The following MAD1L1 variants were observed in gnomAD, a reference collection of about 807,000 sequenced individuals.
The protein encoded by MAD1L1 is mitotic spindle assembly checkpoint protein MAD1.
Under a neutral mutation model 96.9 loss-of-function variants are expected in MAD1L1, and 95 were observed. The observed-to-expected ratio is 0.98, with a 90% CI of 0.83 to 1.16. MAD1L1 has a LOEUF of 1.16. Among genes scored for constraint, MAD1L1 ranks in the 50% most tolerant of loss-of-function variants. The pLI, the probability that MAD1L1 is intolerant of heterozygous loss-of-function variation, is 0.00. For missense variants in MAD1L1, 1,007 were observed against 954.4 expected, an observed-to-expected ratio of 1.06 and a Z score of -0.73; for synonymous variants, 473 against 396.6, an observed-to-expected ratio of 1.19 and a Z score of -2.29.
chr7:1,958,478 C>A (rs1404632469), intron 15 of MAD1L1, among the ~76,000 whole-genome samples: 1 of 152,194 alleles, frequency 6.6e-6, no homozygotes, highest in African/African-American at 2.4e-5. Flanking sequence ...GGAGCAGGGA[C>A]AGCTATTCCA....
rs531951043 is a variant in MAD1L1 at position 1,816,360 on chromosome 7, C to G, written c.1999-132G>C. The G allele has an allele frequency of 5.0e-6, 4 of 794,100 alleles. No individual in the cohort carries two copies. In the African/African-American group the frequency reaches 5.2e-5, roughly 10 times the overall value. The allele number at this position is 794,100 out of a possible 1,614,324, so 49.2% of individuals were successfully genotyped here. On this transcript the variant is annotated intron_variant, in intron 18 of 18. Coordinates refer to ENST00000265854, the MANE Select transcript of MAD1L1 (RefSeq NM_001013836.2). The stretch of plus-strand genomic sequence containing the variant: ...CTGAGGACCTGGACAGGGGTAGATG[C>G]GTCCTCAACCCTGCCAGGCCTTATT...
In MAD1L1 at chr7:1,861,927, TG is replaced by T. The variant is rs1784552976; in HGVS notation, c.1998+36272del. On this transcript the variant is annotated intron_variant, in intron 18 of 18. Coordinates refer to ENST00000265854, the MANE Select transcript of MAD1L1 (RefSeq NM_001013836.2). ...CCTGCCCCCTGGTTGGAGGGACTCC[TG>T]GCCCCCCAGCCCAGGAGCTGCTGGG... 2.6e-5 allele frequency among the ~76,000 whole-genome samples: 4 copies of T among 152,172 alleles called. No individual in the cohort carries two copies. In the South Asian group the frequency reaches 8.3e-4, roughly 32 times the overall value.
At chr7:1,824,065 G>A (rs1253652820) in intron 18 of MAD1L1, among the ~76,000 whole-genome samples, 6 of 152,134 alleles carry the variant, frequency 3.9e-5, no homozygotes, top group Non-Finnish European at 7.3e-5. Flanking sequence ...GGTCCTGACC[G>A]GGGGCTGCTC....
intron 12 of MAD1L1, among the ~76,000 whole-genome samples, chr7:2,034,367 C>A (rs1174012780): frequency 6.6e-6 from 1 of 151,984 alleles, no homozygotes; most frequent in African/African-American, 2.4e-5. Context: ...CAGGCACACA[C>A]CACCACGCCC....
intron 14 of MAD1L1, among the ~76,000 whole-genome samples, chr7:1,989,183 C>T (rs1015245237): frequency 3.3e-5 from 5 of 152,322 alleles, no homozygotes; most frequent in South Asian, 2.1e-4. Flanking sequence ...AACAAAGCCA[C>T]GGGAGCCACT....
intron 11 of MAD1L1, among the ~76,000 whole-genome samples, chr7:2,135,779 C>T (rs1482421269): frequency 2.0e-5 from 3 of 152,216 alleles, no homozygotes; most frequent in Non-Finnish European, 4.4e-5. Flanking sequence ...GTCCCAGGCC[C>T]AAGGGAAAGT....
In MAD1L1 at chr7:2,142,373, C is replaced by G. The variant is rs1432381908; in HGVS notation, c.1073+6779G>C. On this transcript the variant is annotated intron_variant, in intron 11 of 18. Coordinates refer to ENST00000265854, the MANE Select transcript of MAD1L1 (RefSeq NM_001013836.2). The surrounding 1 kb of genome is among the most constrained non-coding windows in gnomAD (Gnocchi z 4.7). ...AGGGCTGGGTTGGGGGCTGAGGCCT[C>G]TATGGCGCAGGTGCACTGTGCGTCC... 3.9e-5 allele frequency among the ~76,000 whole-genome samples: 6 copies of G among 152,326 alleles called. No individual in the cohort carries two copies. The East Asian group carries it at 1.2e-3, about 29-fold the overall frequency.
chr7:1,822,856 G>A (rs539580095), intron 18 of MAD1L1, among the ~76,000 whole-genome samples: 4 of 151,892 alleles, frequency 2.6e-5, no homozygotes, highest in South Asian at 2.1e-4. Context: ...ACAGCACAGC[G>A]TTATACGGCT....
rs141220306 is a variant in MAD1L1 at position 2,216,330 on chromosome 7, C to T, written c.679-43G>A. ...CAGAGAAGAAGGGAAAAATGAGCCA[C>T]GAAGAGACCTGGAGAAAATCACACG... is the stretch of plus-strand genomic sequence containing the variant. On this transcript the variant is annotated intron_variant, in intron 7 of 18. Transcript: ENST00000265854. 114 of 1,595,032 alleles carry T rather than the reference C, an allele frequency of 7.1e-5. No individual in the cohort carries two copies. The African/African-American group carries it at 1.1e-3, about 15-fold the overall frequency.
intron 17 of MAD1L1, among the ~76,000 whole-genome samples, chr7:1,901,926 C>G (rs867812611): frequency 6.6e-6 from 1 of 152,226 alleles, no homozygotes; most frequent in East Asian, 1.9e-4. Context: ...TGGGCAGAAC[C>G]GGCCCTCTTA....
At chr7:1,879,319 G>A (rs1785551027) in intron 18 of MAD1L1, among the ~76,000 whole-genome samples, 1 of 152,104 alleles carries the variant, frequency 6.6e-6, no homozygotes. Context: ...GCCGGGTGTG[G>A]TGGCAGGCGC....
At chr7:2,150,019 T>G (rs568373642) in intron 10 of MAD1L1, among the ~76,000 whole-genome samples, 7 of 152,234 alleles carry the variant, frequency 4.6e-5, no homozygotes, top group Non-Finnish European at 7.3e-5. Context: ...ATCCTTGTTC[T>G]TCTCTTCACC....
At chr7:1,971,042 G>A (rs918603045) in intron 15 of MAD1L1, among the ~76,000 whole-genome samples, 1 of 152,162 alleles carries the variant, frequency 6.6e-6, no homozygotes, top group Non-Finnish European at 1.5e-5. Context: ...GTGTGGAGAT[G>A]CATGCAGTGC....
At chr7:1,839,592 C>T (rs1475590165) in intron 18 of MAD1L1, among the ~76,000 whole-genome samples, 1 of 152,200 alleles carries the variant, frequency 6.6e-6, no homozygotes, top group African/African-American at 2.4e-5. Context: ...AGAGCATTTC[C>T]GGCTTAGTCA....
Position 2,227,975 on chromosome 7 carries a change from C to T in MAD1L1, c.150+2009G>A, listed in dbSNP as rs962601181. Among the ~76,000 whole-genome samples, 4 of 152,186 alleles carry T rather than the reference C, an allele frequency of 2.6e-5. No homozygotes were observed. In the South Asian group the frequency reaches 6.2e-4, roughly 24 times the overall value. On this transcript the variant is annotated intron_variant, in intron 3 of 18. Coordinates refer to ENST00000265854, the MANE Select transcript of MAD1L1 (RefSeq NM_001013836.2). ...AGAAACCAGACAGCACACATTCCCC[C>T]GGCCTGCCATGTTCTCCAGGCCCTC...
intron 15 of MAD1L1, among the ~76,000 whole-genome samples, chr7:1,973,113 G>A (rs753100162): frequency 1.3e-5 from 2 of 152,342 alleles, no homozygotes; most frequent in East Asian, 1.9e-4. Context: ...AGAGGCAAGA[G>A]TCCTCTGCTC....
At chr7:1,916,687 C>T (rs1287658585) in intron 17 of MAD1L1, among the ~76,000 whole-genome samples, 3 of 152,098 alleles carry the variant, frequency 2.0e-5, no homozygotes, top group South Asian at 2.1e-4. Context: ...GAGATGAATT[C>T]GTGTCCATGC....
intron 2 of MAD1L1, 99 bp downstream of exon 2, chr7:2,230,450 T>TC (rs1794137080): frequency 3.3e-6 from 1 of 301,122 alleles, no homozygotes; most frequent in Non-Finnish European, 6.5e-6. Context: ...AGGTGGCACG[T>TC]CCCCCAACTG....
chr7:2,049,737 C>T (rs2128516640), intron 12 of MAD1L1, among the ~76,000 whole-genome samples: 1 of 152,332 alleles, frequency 6.6e-6, no homozygotes, highest in East Asian at 1.9e-4. Flanking sequence ...GACTATCGAG[C>T]ACTGTAATTC....
Sources: allele counts gnomAD v4.1 joint callset (sites outside exome capture counted in the v4.1 genomes callset), GRCh38; gene constraint gnomAD v4.1.1; non-coding constraint Gnocchi (gnomAD v3.1); transcripts MANE v1.5; gene names NCBI Gene and HGNC (gene_info 2026-07-23, HGNC 2026-07-21).